The following E2F6 variants were observed in gnomAD, a reference collection of about 807,000 sequenced individuals.
E2F6 encodes the protein E2F transcription factor 6, also known as transcription factor E2F6.
In E2F6, 19 loss-of-function variants were observed where a neutral mutation model predicts 31.5. That is an observed-to-expected ratio of 0.60 (90% CI 0.42 to 0.89). The LOEUF (loss-of-function observed/expected upper bound fraction) is 0.89. Among genes scored for constraint, E2F6 ranks in the 40% least tolerant of loss-of-function variants. The probability of loss-of-function intolerance (pLI) is 0.00; values close to 1 mark genes in which losing one functional copy is unlikely to be tolerated. For missense variants in E2F6, 269 were observed against 341.6 expected (o/e 0.79, Z 1.67); for synonymous variants, 121 against 127.7 (o/e 0.95, Z 0.36).
At chr2:11,455,553 C>A in intron 2 of E2F6, 1 of 895,078 alleles carries the variant, frequency 1.1e-6, no homozygotes, top group South Asian at 1.5e-5. Context: ...CTACAACAAA[C>A]TCAGGAAGAT....
At chr2:11,448,346 G>A (rs967832722) in intron 5 of E2F6, among the ~76,000 whole-genome samples, 1 of 152,110 alleles carries the variant, frequency 6.6e-6, no homozygotes, top group African/African-American at 2.4e-5. Context: ...TGCTTCTACT[G>A]GGAATTATGC....
At chr2:11,461,167 T>C (rs1468867927) in intron 1 of E2F6, among the ~76,000 whole-genome samples, 1 of 152,066 alleles carries the variant, frequency 6.6e-6, no homozygotes, top group Non-Finnish European at 1.5e-5. Context: ...GATACCACTG[T>C]AGGTGGAAAT....
At chr2:11,451,554 T>C in intron 4 of E2F6, 97 bp downstream of exon 4, 1 of 1,235,016 alleles carries the variant, frequency 8.1e-7, no homozygotes, top group Non-Finnish European at 1.1e-6. Flanking sequence ...TAATTTTATA[T>C]CTTAAATATA....
chr2:11,447,063 C>G (rs907808307), intron 6 of E2F6, among the ~76,000 whole-genome samples: 2 of 152,222 alleles, frequency 1.3e-5, no homozygotes, highest in African/African-American at 2.4e-5. Flanking sequence ...TCACAGGATG[C>G]TGGTCCCCTG....
Position 11,466,161 on chromosome 2 carries a change from C to A in E2F6, c.-282G>T. On this transcript the variant is annotated 5_prime_UTR_variant, in exon 1 of 7. Coordinates refer to ENST00000381525, the MANE Select transcript of E2F6 (RefSeq NM_198256.4). ...CCATCTTCCCGCATGCGCAGTACAC[C>A]GCCCCCCTCTGCGCATGCCCGCCGC... The A allele has an allele frequency of 2.7e-6, 1 of 371,162 alleles. No individual in the cohort carries two copies. Among genetic ancestry groups the A allele is most frequent in the Non-Finnish European group, 4.9e-6 (1 of 206,044 alleles). 23.0% of individuals were successfully genotyped at this position (371,162 alleles called of 1,614,324 possible). A position where few individuals can be genotyped will look rare whatever the true frequency, so the allele number is the denominator to read the frequency against.
chr2:11,466,126 GC>G lies in E2F6; in HGVS notation c.-248del. The stretch of plus-strand genomic sequence containing the variant: ...GAGGGAGACCCGCGGATCTCAAGTC[GC>G]CCGGCCCGCCATCTTCCCGCATGCG... On this transcript the variant is annotated 5_prime_UTR_variant, in exon 1 of 7. It introduces an in-frame stop codon into an upstream open reading frame of the 5' UTR. Coordinates refer to ENST00000381525, the MANE Select transcript of E2F6 (RefSeq NM_198256.4). The G allele has an allele frequency of 2.1e-6, 1 of 465,414 alleles. No homozygotes were observed. The highest frequency in any genetic ancestry group is 3.8e-6 in the Non-Finnish European group (1 of 264,320). The allele number at this position is 465,414 out of a possible 1,614,324, so 28.8% of individuals were successfully genotyped here.
chr2:11,452,106 A>G (rs1036869550), intron 3 of E2F6, among the ~76,000 whole-genome samples: 16 of 152,210 alleles, frequency 1.1e-4, no homozygotes, highest in African/African-American at 1.9e-4. Flanking sequence ...CTAAGAGTCA[A>G]TAACACCCAG....
At chr2:11,464,517 C>CA (rs559562627) in intron 1 of E2F6, among the ~76,000 whole-genome samples, 4,344 of 43,032 alleles carry the variant, frequency 0.1, 287 homozygotes, top group African/African-American at 0.19. Context: ...ACTTCGTCAC[C>CA]AAAAAAAAAA....
At chr2:11,465,253 C>A (rs1211264066) in intron 1 of E2F6, among the ~76,000 whole-genome samples, 1 of 150,780 alleles carries the variant, frequency 6.6e-6, no homozygotes, top group Non-Finnish European at 1.5e-5. Context: ...CTGATAACCG[C>A]GGGGAATACA....
chr2:11,460,579 A>G (rs986481987), intron 1 of E2F6, among the ~76,000 whole-genome samples: 5 of 152,192 alleles, frequency 3.3e-5, no homozygotes, highest in African/African-American at 1.2e-4. Context: ...CAAAATCATG[A>G]GCCAATTTCC....
At chr2:11,451,915 A>G in intron 3 of E2F6, 109 bp from the exon 4 acceptor site, 1 of 1,019,028 alleles carries the variant, frequency 9.8e-7, no homozygotes, top group South Asian at 1.5e-5. Context: ...TGTTTTCCAC[A>G]ACAATAGAAA....
chr2:11,446,508 T>C lies in E2F6; in HGVS notation c.815A>G (p.Gln272Arg). 6.2e-7 allele frequency: 1 copy of C among 1,613,468 alleles called. No homozygotes were observed. Among genetic ancestry groups the C allele is most frequent in the East Asian group, 2.2e-5 (1 of 44,852 alleles). ...GCTTACTTCAAGCAATTCTTCACTT[T>C]GCTGAGGATTTTCTTCTGGAAAAGA... ...EGPEEEENPQ[Q>R]SEELLEVSN The change falls in exon 7 of 7, where the codon CAA becomes CGA. Residue 272 changes from glutamine to arginine, a missense_variant. By Grantham distance (43) the Gln-to-Arg change is conservative (BLOSUM62 1). Transcript: ENST00000381525.
chr2:11,465,712 G>A, intron 1 of E2F6, 60 bp downstream of exon 1: 2 of 1,525,838 alleles, frequency 1.3e-6, no homozygotes, highest in Admixed American at 2.0e-5. Context: ...CGGCGGCGCG[G>A]GGAGGAGGGG....
chr2:11,450,423 G>C (rs1004819154), intron 4 of E2F6, among the ~76,000 whole-genome samples: 2 of 152,008 alleles, frequency 1.3e-5, no homozygotes, highest in Non-Finnish European at 2.9e-5. Context: ...TATTAATAAA[G>C]TCTGAGTCCC....
At chr2:11,458,424 T>C (rs1671549934) in intron 1 of E2F6, 1 of 1,497,272 alleles carries the variant, frequency 6.7e-7, no homozygotes, top group South Asian at 1.2e-5. Flanking sequence ...GTATATGGCA[T>C]GGCATGTTTC....
At chr2:11,462,962 C>T (rs961841829) in intron 1 of E2F6, among the ~76,000 whole-genome samples, 1 of 152,152 alleles carries the variant, frequency 6.6e-6, no homozygotes, top group East Asian at 1.9e-4. Flanking sequence ...TAGTAGACAG[C>T]TGGAAAACCC....
chr2:11,457,661 C>A (rs896866908), intron 1 of E2F6, among the ~76,000 whole-genome samples: 1 of 152,092 alleles, frequency 6.6e-6, no homozygotes, highest in East Asian at 1.9e-4. Context: ...CACACACACA[C>A]AAAATATACT....
chr2:11,455,240 C>T (rs1572501804), intron 2 of E2F6: 1 of 925,946 alleles, frequency 1.1e-6, no homozygotes, highest in South Asian at 4.0e-5. Flanking sequence ...AAAATAATTT[C>T]TAAAATAACT....
intron 2 of E2F6, among the ~76,000 whole-genome samples, chr2:11,454,535 C>T (rs918045015): frequency 2.0e-5 from 3 of 151,942 alleles, no homozygotes; most frequent in Non-Finnish European, 2.9e-5. Context: ...TTAGTAGAGA[C>T]GGGGTTTCAC....
Sources: gnomAD v4.1 joint callset for allele counts (sites outside exome capture counted in the v4.1 genomes callset) on GRCh38, gnomAD v4.1.1 for gene constraint, MANE v1.5 for transcripts, NCBI Gene and HGNC (gene_info 2026-07-23, HGNC 2026-07-21) for gene names.